The following LPL variants were observed in gnomAD, a reference collection of about 807,000 sequenced individuals.
The protein encoded by LPL is phospholipase A1.
In LPL, 43 loss-of-function variants were observed where a neutral mutation model predicts 52.2. The ratio of observed to expected loss-of-function variants is 0.82; its 90% CI spans 0.64 to 1.06. LPL has a LOEUF of 1.06. LPL is among the 50% of genes least tolerant of loss of function. The pLI, the probability that LPL is intolerant of heterozygous loss-of-function variation, is 0.00. For missense variants in LPL, 639 were observed against 585.3 expected (o/e 1.09, Z -0.95); for synonymous variants, 244 against 215.6 (o/e 1.13, Z -1.15).
At chr8:19,952,875 T>C (rs554457416) in intron 3 of LPL, among the ~76,000 whole-genome samples, 1 of 152,208 alleles carries the variant, frequency 6.6e-6, no homozygotes, top group African/African-American at 2.4e-5. Context: ...ACCCATATAC[T>C]ATACATTCAA....
rs1459577282 is a variant in LPL, at chr8:19,956,566, G to T, written c.1018+483G>T. Among the ~76,000 whole-genome samples, 3 of 152,136 alleles carry T rather than the reference G, an allele frequency of 2.0e-5. No individual in the cohort carries two copies. In the East Asian group the frequency reaches 5.8e-4, roughly 29 times the overall value. ...GAATATTCCATCACCCAGGTATTAAGCTTAGTACCCATTAGTTACTTTTCC... is the reference window on the plus strand; with the variant it reads ...GAATATTCCATCACCCAGGTATTAATCTTAGTACCCATTAGTTACTTTTCC... On this transcript the variant is annotated intron_variant, in intron 6 of 9. Transcript: ENST00000650287.
chr8:19,949,896 T>C (rs1352124959), intron 2 of LPL, among the ~76,000 whole-genome samples: 1 of 152,254 alleles, frequency 6.6e-6, no homozygotes, highest in East Asian at 1.9e-4. Flanking sequence ...AAATTGAGTA[T>C]CTCAGTCATC....
chr8:19,965,007 G>T (rs538367353), intron 9 of LPL, among the ~76,000 whole-genome samples: 1 of 152,250 alleles, frequency 6.6e-6, no homozygotes, highest in South Asian at 2.1e-4. Flanking sequence ...AATGGAACAG[G>T]CCTTTCGTTT....
intron 6 of LPL, among the ~76,000 whole-genome samples, chr8:19,957,233 G>A (rs1317361650): frequency 6.6e-6 from 1 of 152,198 alleles, no homozygotes; most frequent in Admixed American, 6.5e-5. Flanking sequence ...CGGAAAATGA[G>A]AGAGGAGGTC....
intron 5 of LPL, among the ~76,000 whole-genome samples, chr8:19,954,896 G>A (rs904034140): frequency 6.6e-6 from 1 of 152,092 alleles, no homozygotes; most frequent in African/African-American, 2.4e-5. Flanking sequence ...CAATCACAGG[G>A]ACTTGCAATG....
intron 1 of LPL, among the ~76,000 whole-genome samples, chr8:19,943,303 C>G (rs1176897290): frequency 2.6e-5 from 4 of 152,102 alleles, no homozygotes; most frequent in Admixed American, 2.6e-4. Context: ...GTAAATGGAT[C>G]TGCACTTAGA....
At chr8:19,949,970 C>T (rs368608121) in intron 2 of LPL, among the ~76,000 whole-genome samples, 8 of 152,148 alleles carry the variant, frequency 5.3e-5, no homozygotes, top group African/African-American at 1.7e-4. Context: ...GGTTCTTTTT[C>T]ATACTAAGAT....
rs147151973 is a variant in LPL at position 19,942,869 on chromosome 8, T to C, written c.88+3341T>C. ...GGAAGGAATGGATTATCTTAGGTGC[T>C]ATATATATATGTAAGTTCTGCCGGA... On this transcript the variant is annotated intron_variant, in intron 1 of 9. Coordinates refer to ENST00000650287, the MANE Select transcript of LPL (RefSeq NM_000237.3). Among the ~76,000 whole-genome samples the C allele has an allele frequency of 3.2e-3, 489 of 152,138 alleles. 3 individuals carry two copies. The highest frequency in any genetic ancestry group is 0.011 in the African/African-American group (450 of 41,494).
At position 19,962,230 on chromosome 8, in the gene LPL, T is replaced by C. The variant is rs778699260; in HGVS notation, c.1427+11T>C. On this transcript the variant is annotated intron_variant, in intron 9 of 9. Transcript: ENST00000650287. ...TAAGAAGTCAGGCTGGTGAGCATTC[T>C]GGGCTAAAGCTGACTGGGCATCCTG... 5.0e-6 allele frequency: 8 copies of C among 1,609,060 alleles called. No individual in the cohort carries two copies. Among genetic ancestry groups the C allele is most frequent in the Non-Finnish European group, 6.0e-6 (7 of 1,175,564 alleles).
In LPL at chr8:19,950,879, GAGGA is replaced by G. The variant is rs1192550003; in HGVS notation, c.250-876_250-873del. ...GGAAGGAGGAAGGGAAGGAGGGAGGGAGGAAGGAAGGAAGGAATGAAGGAAGGAA... is the reference window on the plus strand; with the variant it reads ...GGAAGGAGGAAGGGAAGGAGGGAGGGAGGAAGGAAGGAATGAAGGAAGGAA... On this transcript the variant is annotated intron_variant, in intron 2 of 9. Coordinates refer to ENST00000650287, the MANE Select transcript of LPL (RefSeq NM_000237.3). The surrounding 1 kb of genome is among the most constrained non-coding windows in gnomAD (Gnocchi z 4.2). 3.1e-5 allele frequency among the ~76,000 whole-genome samples: 4 copies of G among 127,560 alleles called. No homozygotes were observed. Among genetic ancestry groups the G allele is most frequent in the Admixed American group, 7.7e-5 (1 of 13,032 alleles). The allele number at this position is 127,560 out of a possible 152,430, so 83.7% of individuals were successfully genotyped here.
chr8:19,953,474 C>G, intron 4 of LPL, 53 bp downstream of exon 4: 9 of 1,365,020 alleles, frequency 6.6e-6, no homozygotes, highest in Non-Finnish European at 9.4e-6. Context: ...GACTGTCATT[C>G]TGAGAGAGAA....
chr8:19,959,923 G>C (rs563105567), intron 7 of LPL, among the ~76,000 whole-genome samples: 1 of 151,372 alleles, frequency 6.6e-6, no homozygotes, highest in Admixed American at 6.6e-5. Flanking sequence ...CGAGTAGCTG[G>C]GGCTGCAGGT....
rs774768909 is a variant in LPL, at chr8:19,939,498, G to A, written c.58G>A (p.Ala20Thr). 2 of 1,610,218 alleles carry A rather than the reference G, an allele frequency of 1.2e-6. No homozygotes were observed. The highest frequency in any genetic ancestry group is 3.3e-5 in the Admixed American group (2 of 59,772). The change falls in exon 1 of 10, where the codon GCC (alanine) becomes ACC (threonine). Residue 20 changes from alanine to threonine, a missense_variant. By Grantham distance (58) the Ala-to-Thr change is moderately conservative. Transcript: ENST00000650287. The surrounding 1 kb of genome is among the most constrained non-coding windows in gnomAD (Gnocchi z 4.0). ...GGCCGTGTGGCTCCAGAGTCTGACCGCCTCCCGCGGAGGGGTGGCCGCCGC... is the reference window on the plus strand; with the variant it reads ...GGCCGTGTGGCTCCAGAGTCTGACCACCTCCCGCGGAGGGGTGGCCGCCGC... ...TLAVWLQSLT[A>T]SRGGVAAADQ...
intron 2 of LPL, among the ~76,000 whole-genome samples, chr8:19,949,611 T>C (rs143752650): frequency 1.6e-4 from 25 of 151,926 alleles, no homozygotes; most frequent in South Asian, 1.5e-3. Context: ...GCCTCCCGAG[T>C]AGCTGGGACT....
chr8:19,952,744 G>A (rs1334998420), intron 3 of LPL, among the ~76,000 whole-genome samples: 3 of 152,096 alleles, frequency 2.0e-5, no homozygotes, highest in African/African-American at 7.2e-5. Context: ...TTAAATGAGG[G>A]GCTGGACCAT....
At chr8:19,945,971 T>G (rs2069878924) in intron 1 of LPL, among the ~76,000 whole-genome samples, 2 of 152,302 alleles carry the variant, frequency 1.3e-5, no homozygotes, top group African/African-American at 4.8e-5. Context: ...TTAAATTTTC[T>G]AAAGCACTTT....
chr8:19,957,255 C>T (rs1011647025), intron 6 of LPL, among the ~76,000 whole-genome samples: 1 of 152,068 alleles, frequency 6.6e-6, no homozygotes, highest in Non-Finnish European at 1.5e-5. Flanking sequence ...TCGGATAAAT[C>T]CGGTGAGAGG....
At position 19,966,695 on chromosome 8, in the gene LPL, TA is replaced by T. The variant is rs1160613851; in HGVS notation, c.*1386del. The T allele has an allele frequency of 1.3e-5, 2 of 152,208 alleles. No individual in the cohort carries two copies. The highest frequency in any genetic ancestry group is 1.9e-4 in the East Asian group (1 of 5,198). 9.4% of individuals were successfully genotyped at this position (152,208 alleles called of 1,614,324 possible). ...AGGGAAAACAGTCGATCAAGGGATGTATTGGAACATGTCGGAGTAGAAATTG... is the reference window on the plus strand; with the variant it reads ...AGGGAAAACAGTCGATCAAGGGATGTTTGGAACATGTCGGAGTAGAAATTG... On this transcript the variant is annotated 3_prime_UTR_variant, in exon 10 of 10. Coordinates refer to ENST00000650287, the MANE Select transcript of LPL (RefSeq NM_000237.3).
chr8:19,960,246 G>A (rs945596314), intron 7 of LPL, among the ~76,000 whole-genome samples: 8 of 152,226 alleles, frequency 5.3e-5, no homozygotes, highest in Non-Finnish European at 1.0e-4. Flanking sequence ...CCCTCCAGGT[G>A]CGGAAGGTAG....
Sources: allele counts gnomAD v4.1 joint callset (sites outside exome capture counted in the v4.1 genomes callset), GRCh38; gene constraint gnomAD v4.1.1; non-coding constraint Gnocchi (gnomAD v3.1); transcripts MANE v1.5; gene names NCBI Gene and HGNC (gene_info 2026-07-23, HGNC 2026-07-21).